ADAM22: variants seen among roughly 807,000 people sequenced by gnomAD.
ADAM22 encodes the protein disintegrin and metalloproteinase domain-containing protein 22.
ADAM22 carries 65 observed loss-of-function variants against 144.6 expected under a neutral mutation model. The ratio of observed to expected loss-of-function variants is 0.45; its 90% CI spans 0.37 to 0.55. ADAM22 has a LOEUF of 0.55. Ranked by LOEUF, ADAM22 falls within the 20% of genes least tolerant of loss-of-function variation. The pLI, the probability that ADAM22 is intolerant of heterozygous loss-of-function variation, is 0.00. For synonymous variants in ADAM22, 391 were observed against 412.6 expected, an observed-to-expected ratio of 0.95 and a Z score of 0.63; for missense variants, 974 against 1,184.9, an observed-to-expected ratio of 0.82 and a Z score of 2.61.
intron 3 of ADAM22, among the ~76,000 whole-genome samples, chr7:88,040,734 G>T (rs1410632640): frequency 1.3e-5 from 2 of 151,924 alleles, no homozygotes; most frequent in Non-Finnish European, 2.9e-5. Flanking sequence ...TCTGCTTAGG[G>T]TGAAGTAAAG....
At chr7:88,120,469 GT>G (rs1022923419) in intron 7 of ADAM22, among the ~76,000 whole-genome samples, 11 of 152,144 alleles carry the variant, frequency 7.2e-5, no homozygotes, top group African/African-American at 2.7e-4. Context: ...CTCTATGAGA[GT>G]TTTAATTGTT....
chr7:88,114,823 A>G (rs947988845), intron 6 of ADAM22, among the ~76,000 whole-genome samples, 176 bp downstream of exon 6: 2 of 152,220 alleles, frequency 1.3e-5, no homozygotes, highest in Admixed American at 1.3e-4. Context: ...TAAACCTATC[A>G]TAAGTTAAAA....
At chr7:88,016,394 G>A (rs1161012535) in intron 3 of ADAM22, among the ~76,000 whole-genome samples, 1 of 152,184 alleles carries the variant, frequency 6.6e-6, no homozygotes, top group Non-Finnish European at 1.5e-5. Flanking sequence ...TGTCCCTAGA[G>A]ACTGAAATCT....
At chr7:88,181,894 C>T (rs375806204) in intron 28 of ADAM22, 64 bp from the exon 29 acceptor site, 110 of 1,440,456 alleles carry the variant, frequency 7.6e-5, no homozygotes, top group African/African-American at 7.2e-4. Context: ...TGAAATGCCT[C>T]GTAATTAGAC....
At chr7:88,078,517 G>C (rs944522705) in intron 4 of ADAM22, among the ~76,000 whole-genome samples, 1 of 152,262 alleles carries the variant, frequency 6.6e-6, no homozygotes, top group Non-Finnish European at 1.5e-5. Context: ...GACGAGTTGA[G>C]AGAAGAAGGC....
At position 88,145,418 on chromosome 7, in the gene ADAM22, T is replaced by A. The variant is rs1302592360; in HGVS notation, c.1396T>A (p.Cys466Ser). ...EECDCGTPAE[C>S]VLEGAECCKK... is the part of the protein sequence containing the mutation. ...TGAAAATGTTTATATTCCTTAGGAA[T>A]GTGTCCTTGAAGGAGCAGAGTGTTG... The change falls in exon 17 of 32, where the codon TGT (cysteine) becomes AGT (serine). Residue 466 changes from cysteine (C) to serine (S), a missense_variant. Transcript: ENST00000413139. 8 of 1,612,476 alleles carry A rather than the reference T, an allele frequency of 5.0e-6. No individual in the cohort carries two copies. Among genetic ancestry groups the A allele is most frequent in the Non-Finnish European group, 6.8e-6 (8 of 1,178,786 alleles).
intron 3 of ADAM22, among the ~76,000 whole-genome samples, chr7:87,996,461 G>C (rs1791255553): frequency 6.6e-6 from 1 of 152,128 alleles, no homozygotes; most frequent in African/African-American, 2.4e-5. Context: ...TCTTATAAGA[G>C]CGTGAATTCT....
At chr7:88,166,011 AC>A (rs1211535132) in intron 24 of ADAM22, 65 bp downstream of exon 24, 3 of 1,189,968 alleles carry the variant, frequency 2.5e-6, no homozygotes, top group Non-Finnish European at 3.5e-6. Flanking sequence ...CTCTCTGAAA[AC>A]TTTTATTTGA....
At chr7:88,119,112 T>C (rs1243890167) in intron 7 of ADAM22, among the ~76,000 whole-genome samples, 1 of 152,224 alleles carries the variant, frequency 6.6e-6, no homozygotes, top group Non-Finnish European at 1.5e-5. Context: ...ACATGGCATG[T>C]ACCTGTCTCA....
intron 3 of ADAM22, among the ~76,000 whole-genome samples, chr7:88,029,124 T>C (rs372839548): frequency 1.3e-5 from 2 of 152,226 alleles, no homozygotes; most frequent in East Asian, 3.9e-4. Context: ...ATTTCTGTTA[T>C]TTTAAAATTT....
intron 20 of ADAM22, among the ~76,000 whole-genome samples, chr7:88,152,484 G>A (rs762857269): frequency 1.8e-4 from 28 of 152,184 alleles, no homozygotes; most frequent in Non-Finnish European, 2.2e-4. Context: ...TGGGGAGCAA[G>A]GTAGAAATTG....
intron 3 of ADAM22, among the ~76,000 whole-genome samples, chr7:88,047,442 T>C (rs927610771): frequency 6.6e-6 from 1 of 152,216 alleles, no homozygotes; most frequent in Admixed American, 6.5e-5. Flanking sequence ...GTGTGTCTAC[T>C]GTCAGTTCTG....
chr7:88,108,067 T>C (rs901110037), intron 4 of ADAM22, 109 bp from the exon 5 acceptor site: 16 of 733,390 alleles, frequency 2.2e-5, no homozygotes, highest in South Asian at 9.1e-5. Context: ...TGAAATATCA[T>C]GCAGAGTTCT....
chr7:88,166,963 A>G (rs148612899), intron 24 of ADAM22, among the ~76,000 whole-genome samples: 6 of 152,290 alleles, frequency 3.9e-5, no homozygotes, highest in Non-Finnish European at 7.4e-5. Context: ...TAGTGACCCA[A>G]GGAATCCTCT....
chr7:88,077,002 C>A (rs1297501015), intron 4 of ADAM22, among the ~76,000 whole-genome samples: 1 of 151,988 alleles, frequency 6.6e-6, no homozygotes, highest in Admixed American at 6.5e-5. Context: ...TAAATGTTTT[C>A]ATTTTGTTAT....
intron 4 of ADAM22, among the ~76,000 whole-genome samples, chr7:88,092,139 G>A (rs919160111): frequency 6.6e-6 from 1 of 152,096 alleles, no homozygotes; most frequent in African/African-American, 2.4e-5. Flanking sequence ...CCCATCTTTT[G>A]CCTATGTGTA....
intron 2 of ADAM22, among the ~76,000 whole-genome samples, chr7:87,963,554 T>C (rs1848439486): frequency 6.6e-6 from 1 of 152,162 alleles, no homozygotes; most frequent in Non-Finnish European, 1.5e-5. Context: ...GCATGTCAAA[T>C]GTACAGAATC....
At chr7:88,165,556 A>G (rs1316347960) in intron 23 of ADAM22, among the ~76,000 whole-genome samples, 2 of 151,888 alleles carry the variant, frequency 1.3e-5, no homozygotes, top group African/African-American at 2.4e-5. Context: ...TAAGTTAGTG[A>G]AAGTCAAAAC....
chr7:88,026,181 A>G (rs985102623), intron 3 of ADAM22, among the ~76,000 whole-genome samples: 2 of 152,192 alleles, frequency 1.3e-5, no homozygotes, highest in African/African-American at 4.8e-5. Context: ...TAATTTATAA[A>G]GAAAAGAGGG....
Sources: allele counts gnomAD v4.1 joint callset (sites outside exome capture counted in the v4.1 genomes callset), GRCh38; gene constraint gnomAD v4.1.1; transcripts MANE v1.5; gene names NCBI Gene and HGNC (gene_info 2026-07-23, HGNC 2026-07-21).